VTI1A: variants seen among roughly 807,000 people sequenced by gnomAD.
VTI1A encodes vesicle transport through interaction with t-SNAREs 1A.
A neutral mutation model predicts 34.9 loss-of-function variants in VTI1A; 22 were observed. The observed-to-expected ratio is 0.63, with a 90% confidence interval of 0.45 to 0.90. The LOEUF is 0.90. Ranked by LOEUF, VTI1A falls within the 40% of genes least tolerant of loss-of-function variation. The pLI, the probability that VTI1A is intolerant of heterozygous loss-of-function variation, is 0.00. For missense variants in VTI1A, 268 were observed against 275.6 expected, an observed-to-expected ratio of 0.97 and a Z score of 0.20; for synonymous variants, 87 against 97.3, an observed-to-expected ratio of 0.89 and a Z score of 0.62.
At chr10:112,511,161 A>C (rs75852756) in intron 3 of VTI1A, among the ~76,000 whole-genome samples, 2,383 of 151,896 alleles carry the variant, frequency 0.016, 64 homozygotes, top group African/African-American at 0.053. Context: ...TACACTCTCT[A>C]CCGGGGTTTA....
At chr10:112,598,304 G>T (rs1844746638) in intron 5 of VTI1A, among the ~76,000 whole-genome samples, 1 of 152,122 alleles carries the variant, frequency 6.6e-6, no homozygotes, top group Non-Finnish European at 1.5e-5. Flanking sequence ...ACTTATGCAG[G>T]TAGTTTATGT....
intron 7 of VTI1A, among the ~76,000 whole-genome samples, chr10:112,719,757 G>C (rs898750470): frequency 6.6e-6 from 1 of 152,106 alleles, no homozygotes; most frequent in Non-Finnish European, 1.5e-5. Context: ...TGTTGGTCAG[G>C]CTGGTCTCAA....
intron 5 of VTI1A, among the ~76,000 whole-genome samples, chr10:112,654,066 C>A (rs1197510622): frequency 2.6e-5 from 4 of 152,098 alleles, no homozygotes; most frequent in African/African-American, 9.7e-5. Flanking sequence ...TTAGAAACTC[C>A]CGATGTCATA....
intron 3 of VTI1A, among the ~76,000 whole-genome samples, chr10:112,508,209 G>A (rs1448825861): frequency 6.6e-6 from 1 of 152,168 alleles, no homozygotes. Flanking sequence ...CACGTTTGTT[G>A]TTTCAAACAA....
chr10:112,462,534 A>C (rs1018295415), intron 2 of VTI1A, among the ~76,000 whole-genome samples: 1 of 152,242 alleles, frequency 6.6e-6, no homozygotes, highest in African/African-American at 2.4e-5. Context: ...TAAATAATTG[A>C]TGATCTCAGA....
intron 5 of VTI1A, among the ~76,000 whole-genome samples, chr10:112,598,449 A>G (rs940102889): frequency 1.3e-5 from 2 of 152,240 alleles, no homozygotes; most frequent in Non-Finnish European, 2.9e-5. Context: ...TGCATTTAGA[A>G]CACTACGTAA....
chr10:112,835,033 G>GA, the VTI1A span, among the ~76,000 whole-genome samples: 1,651 of 150,298 alleles, frequency 0.011, 16 homozygotes, highest in Middle Eastern at 0.02. Flanking sequence ...TAGCAAAAAA[G>GA]AAAAAAAAAT....
intron 3 of VTI1A, among the ~76,000 whole-genome samples, chr10:112,481,490 G>A (rs1240498153): frequency 6.6e-6 from 1 of 152,110 alleles, no homozygotes; most frequent in Non-Finnish European, 1.5e-5. Context: ...TAACTGCTTT[G>A]GAAATAGGTA....
At chr10:112,837,596 G>A in the VTI1A span, among the ~76,000 whole-genome samples, 6 of 152,164 alleles carry the variant, frequency 3.9e-5, no homozygotes, top group Non-Finnish European at 7.4e-5. Flanking sequence ...TGAGCAATTC[G>A]CTGGCCCTCT....
intron 3 of VTI1A, among the ~76,000 whole-genome samples, chr10:112,480,371 C>T (rs1848421520): frequency 6.6e-6 from 1 of 152,150 alleles, no homozygotes; most frequent in African/African-American, 2.4e-5. Flanking sequence ...AAACAACTTA[C>T]ATAGTGCAAG....
chr10:112,559,051 C>G lies in VTI1A; in HGVS notation c.427+20721C>G, dbSNP rs140204322. 2.4e-3 allele frequency among the ~76,000 whole-genome samples: 365 copies of G among 152,282 alleles called. 1 individual carries two copies. Among genetic ancestry groups the G allele is most frequent in the African/African-American group, 8.3e-3 (344 of 41,562 alleles). ...TGTGCCAATGGGCGCTTAAGTGCTCCCGTAACTGGCAACCTCAGATCCACC... is the reference window on the plus strand; with the variant it reads ...TGTGCCAATGGGCGCTTAAGTGCTCGCGTAACTGGCAACCTCAGATCCACC... On this transcript the variant is annotated intron_variant, in intron 5 of 7. Coordinates refer to ENST00000393077, the MANE Select transcript of VTI1A (RefSeq NM_145206.4).
At chr10:112,802,722 T>A (rs770602999) in intron 7 of VTI1A, among the ~76,000 whole-genome samples, 3 of 152,188 alleles carry the variant, frequency 2.0e-5, no homozygotes, top group Non-Finnish European at 4.4e-5. Context: ...AATGGACCTT[T>A]TTGTTTTTTT....
intron 7 of VTI1A, among the ~76,000 whole-genome samples, chr10:112,699,244 G>A (rs904172963): frequency 1.3e-5 from 2 of 152,192 alleles, no homozygotes; most frequent in Non-Finnish European, 2.9e-5. Context: ...CTTAGCTCAG[G>A]CTGCTATAAC....
chr10:112,753,365 TAA>T (rs1851170816), intron 7 of VTI1A, among the ~76,000 whole-genome samples: 1 of 152,068 alleles, frequency 6.6e-6, no homozygotes, highest in Admixed American at 6.5e-5. Context: ...AGAAAGGGAT[TAA>T]GTTTGTCTTT....
At chr10:112,599,516 G>A (rs1030208847) in intron 5 of VTI1A, among the ~76,000 whole-genome samples, 8 of 152,154 alleles carry the variant, frequency 5.3e-5, no homozygotes, top group Admixed American at 5.2e-4. Flanking sequence ...AGCGCTGAAG[G>A]AGAAGGCCTT....
chr10:112,811,978 C>T (rs1853333763), intron 7 of VTI1A, among the ~76,000 whole-genome samples: 1 of 152,208 alleles, frequency 6.6e-6, no homozygotes, highest in Non-Finnish European at 1.5e-5. Context: ...TTCAATAGTA[C>T]TTTGTGAGTT....
chr10:112,815,706 C>T lies in VTI1A; in HGVS notation c.*323C>T, dbSNP rs957557262. On this transcript the variant is annotated 3_prime_UTR_variant, in exon 8 of 8. Coordinates refer to ENST00000393077, the MANE Select transcript of VTI1A (RefSeq NM_145206.4). ...CTAGCCCTCTGGACGTGTCAAGGGC[C>T]GTGGTTTGGGAGAGGACATGATGAG... 4 of 316,336 alleles carry T rather than the reference C, an allele frequency of 1.3e-5. No homozygotes were observed. The highest frequency in any genetic ancestry group is 4.2e-5 in the African/African-American group (2 of 47,752). The allele number at this position is 316,336 out of a possible 1,614,324, so 19.6% of individuals were successfully genotyped here.
At chr10:112,618,006 T>C (rs1845569792) in intron 5 of VTI1A, among the ~76,000 whole-genome samples, 1 of 151,966 alleles carries the variant, frequency 6.6e-6, no homozygotes, top group South Asian at 2.1e-4. Context: ...ATATAAAAAT[T>C]AGCCCGGTGT....
intron 5 of VTI1A, among the ~76,000 whole-genome samples, chr10:112,616,514 C>T (rs1337207179): frequency 6.6e-6 from 1 of 151,610 alleles, no homozygotes; most frequent in East Asian, 1.9e-4. Context: ...TTCAGTTCAA[C>T]AAAATATGAG....
Sources: gnomAD v4.1 joint callset for allele counts (sites outside exome capture counted in the v4.1 genomes callset) on GRCh38, gnomAD v4.1.1 for gene constraint, MANE v1.5 for transcripts, NCBI Gene and HGNC (gene_info 2026-07-23, HGNC 2026-07-21) for gene names.